Variants in WDR17 observed in about 807,000 individuals in gnomAD.
WDR17 encodes WD repeat-containing protein 17.
WDR17 carries 143 observed loss-of-function variants against 161.7 expected under a neutral mutation model. The ratio of observed to expected loss-of-function variants is 0.88; its 90% confidence interval spans 0.77 to 1.02. The LOEUF (loss-of-function observed/expected upper bound fraction) is 1.02, where lower values mean the gene tolerates loss of function less well. Among genes scored for constraint, WDR17 ranks in the 50% least tolerant of loss-of-function variants. WDR17 has a pLI of 0.00. For missense variants in WDR17, 1,469 were observed against 1,520.9 expected, an observed-to-expected ratio of 0.97 and a Z score of 0.57; for synonymous variants, 517 against 515.6, an observed-to-expected ratio of 1.00 and a Z score of -0.04.
intron 4 of WDR17, among the ~76,000 whole-genome samples, chr4:176,122,468 A>G (rs998930461): frequency 5.9e-5 from 9 of 152,200 alleles, no homozygotes; most frequent in African/African-American, 2.2e-4. Flanking sequence ...TTAGCAATTA[A>G]TGTGCACAAA....
In WDR17 at chr4:176,115,978, AG is replaced by A; in HGVS notation, c.307+1del. 6.3e-7 allele frequency: 1 copy of A among 1,592,952 alleles called. No individual in the cohort carries two copies. The highest frequency in any genetic ancestry group is 8.5e-7 in the Non-Finnish European group (1 of 1,171,844). On this transcript the variant is annotated frameshift_variant and splice_region_variant, in exon 3 of 29. Coordinates refer to ENST00000508596, the MANE Select transcript of WDR17 (RefSeq NM_181265.4). LOFTEE classifies it high-confidence loss of function. ...TCATTGCTAAACTCGACAGTACAAA[AG>A]GTATAATTACAACTGGGATTTATTT... is the stretch of plus-strand genomic sequence containing the variant. The part of the protein sequence containing the change: ...KVIAKLDSTK[G>X]IPASLSWCWN...
intron 7 of WDR17, among the ~76,000 whole-genome samples, chr4:176,133,147 T>C (rs935227005): frequency 3.4e-5 from 5 of 147,112 alleles, no homozygotes; most frequent in African/African-American, 1.2e-4. Context: ...GTGCCATATA[T>C]ACCATTCGAA....
At chr4:176,078,879 G>T (rs1351369991) in intron 1 of WDR17, among the ~76,000 whole-genome samples, 5 of 151,914 alleles carry the variant, frequency 3.3e-5, no homozygotes, top group Non-Finnish European at 7.4e-5. Flanking sequence ...TGTATTGGGA[G>T]CATTCAAAGT....
At chr4:176,083,909 C>T (rs931910739) in intron 1 of WDR17, among the ~76,000 whole-genome samples, 1 of 152,054 alleles carries the variant, frequency 6.6e-6, no homozygotes, top group African/African-American at 2.4e-5. Flanking sequence ...TTGTATTTCC[C>T]TTATGACTGG....
At position 176,180,814 on chromosome 4, in the gene WDR17, T is replaced by A. The variant is rs1752084703; in HGVS notation, c.*1235T>A. The A allele has an allele frequency of 6.6e-6, 1 of 152,220 alleles. No homozygotes were observed. Among genetic ancestry groups the A allele is most frequent in the East Asian group, 1.9e-4 (1 of 5,196 alleles). The allele number at this position is 152,220 out of a possible 1,614,324, so 9.4% of individuals were successfully genotyped here. On this transcript the variant is annotated 3_prime_UTR_variant, in exon 29 of 29. Transcript: ENST00000508596. ...GAATTTTTGGATATATTATGTTGATTTAACTTTTAAAATGTTGTTTAAAAG... is the reference window on the plus strand; with the variant it reads ...GAATTTTTGGATATATTATGTTGATATAACTTTTAAAATGTTGTTTAAAAG...
chr4:176,136,219 C>G (rs987253578), intron 8 of WDR17, among the ~76,000 whole-genome samples: 2 of 151,604 alleles, frequency 1.3e-5, no homozygotes, highest in Non-Finnish European at 3.0e-5. Context: ...AAAGGTTTTA[C>G]TTACAACTCT....
At chr4:176,131,896 A>G (rs889578228) in intron 7 of WDR17, among the ~76,000 whole-genome samples, 158 bp downstream of exon 7, 7 of 152,178 alleles carry the variant, frequency 4.6e-5, no homozygotes, top group African/African-American at 4.8e-5. Flanking sequence ...GAAAATGCAT[A>G]GAATGATGAT....
chr4:176,133,396 A>T, intron 7 of WDR17, among the ~76,000 whole-genome samples: 1 of 130,228 alleles, frequency 7.7e-6, no homozygotes, highest in Non-Finnish European at 1.7e-5. Context: ...AAAAAAAAAA[A>T]AAAAAAAAGT....
chr4:176,165,229 C>T (rs1199526728), intron 22 of WDR17, among the ~76,000 whole-genome samples: 1 of 151,666 alleles, frequency 6.6e-6, no homozygotes, highest in African/African-American at 2.4e-5. Flanking sequence ...ATTAGCCAGG[C>T]ATGGTGGCAG....
intron 17 of WDR17, among the ~76,000 whole-genome samples, chr4:176,154,191 G>GTGTGA (rs1374408308): frequency 1.3e-5 from 2 of 152,092 alleles, no homozygotes; most frequent in Non-Finnish European, 2.9e-5. Flanking sequence ...AGAAATATGG[G>GTGTGA]TGTCCTAAGG....
chr4:176,151,523 A>G (rs951907618), intron 16 of WDR17, among the ~76,000 whole-genome samples: 1 of 152,194 alleles, frequency 6.6e-6, no homozygotes, highest in Non-Finnish European at 1.5e-5. Context: ...TTATATGATC[A>G]TCTGTTATCA....
chr4:176,167,628 C>CAG (rs1228499789), intron 22 of WDR17, among the ~76,000 whole-genome samples: 2 of 103,210 alleles, frequency 1.9e-5, no homozygotes, highest in East Asian at 3.1e-4. Flanking sequence ...GCCTGGGCGA[C>CAG]AGCGAGACTC....
rs1220151001 is a variant in WDR17 at position 176,149,167 on chromosome 4, TTGC to T, written c.1898-635_1898-633del. On this transcript the variant is annotated intron_variant, in intron 13 of 28. Coordinates refer to ENST00000508596, the MANE Select transcript of WDR17 (RefSeq NM_181265.4). ...TGCTATTGGTTTTATAGTATACTTG[TTGC>T]TGCTTAACCACACGAAATATACTTT... Among the ~76,000 whole-genome samples, 339 of 152,354 alleles carry T rather than the reference TTGC, an allele frequency of 2.2e-3. 2 individuals are homozygous for T. Among genetic ancestry groups the T allele is most frequent in the African/African-American group, 7.9e-3 (327 of 41,586 alleles).
intron 1 of WDR17, among the ~76,000 whole-genome samples, chr4:176,075,874 C>T (rs977514287): frequency 2.1e-4 from 32 of 151,822 alleles, no homozygotes; most frequent in African/African-American, 7.0e-4. Context: ...GTTCGGGAGG[C>T]TGAGGCAAGA....
intron 1 of WDR17, among the ~76,000 whole-genome samples, chr4:176,072,137 A>G (rs545105549): frequency 2.6e-5 from 4 of 152,334 alleles, no homozygotes; most frequent in South Asian, 4.1e-4. Flanking sequence ...GATTTGACAT[A>G]TATTGGGAAT....
intron 1 of WDR17, among the ~76,000 whole-genome samples, chr4:176,066,347 C>T (rs899929129): frequency 1.3e-5 from 2 of 152,172 alleles, no homozygotes; most frequent in Non-Finnish European, 2.9e-5. Flanking sequence ...AAACTGTGGA[C>T]ATTTCGAGGG....
chr4:176,154,977 A>G (rs1295039432), intron 17 of WDR17, among the ~76,000 whole-genome samples: 1 of 152,190 alleles, frequency 6.6e-6, no homozygotes, highest in East Asian at 1.9e-4. Flanking sequence ...ATTTTTAAAT[A>G]TGAAGACAAG....
intron 1 of WDR17, among the ~76,000 whole-genome samples, chr4:176,103,885 T>C (rs1160949183): frequency 2.6e-5 from 4 of 151,874 alleles, no homozygotes; most frequent in African/African-American, 9.7e-5. Flanking sequence ...CTCCTCAAAT[T>C]TGATGAAAAA....
chr4:176,103,137 G>C (rs1738089990), intron 1 of WDR17, among the ~76,000 whole-genome samples: 1 of 151,976 alleles, frequency 6.6e-6, no homozygotes. Context: ...ACCCTTTTGG[G>C]AGCCATCCAT....
Sources: gnomAD v4.1 joint callset for allele counts (sites outside exome capture counted in the v4.1 genomes callset) on GRCh38, gnomAD v4.1.1 for gene constraint, MANE v1.5 for transcripts, NCBI Gene and HGNC (gene_info 2026-07-23, HGNC 2026-07-21) for gene names.